SCHIP1: variants seen among roughly 807,000 people sequenced by gnomAD.
SCHIP1 encodes the protein schwannomin-interacting protein 1.
SCHIP1 carries 8 observed loss-of-function variants against 29.7 expected under a neutral mutation model. That is an observed-to-expected ratio of 0.27 (90% CI 0.16 to 0.49). The LOEUF (loss-of-function observed/expected upper bound fraction) is 0.49. Ranked by LOEUF, SCHIP1 falls within the 20% of genes least tolerant of loss-of-function variation. The pLI is 0.99. For synonymous variants in SCHIP1, 76 were observed against 94.9 expected, an observed-to-expected ratio of 0.80 and a Z score of 1.16; for missense variants, 193 against 294.6, an observed-to-expected ratio of 0.66 and a Z score of 2.52.
At chr3:159,793,601 AGGCTT>A in the SCHIP1 span, among the ~76,000 whole-genome samples, 2 of 152,174 alleles carry the variant, frequency 1.3e-5, no homozygotes, top group Non-Finnish European at 2.9e-5. Flanking sequence ...TCTGTCGCCC[AGGCTT>A]GAGTGCAGTG....
chr3:159,444,411 C>T, the SCHIP1 span, among the ~76,000 whole-genome samples: 1 of 152,078 alleles, frequency 6.6e-6, no homozygotes, highest in African/African-American at 2.4e-5. Flanking sequence ...TGCAGGCAAC[C>T]TCCAGGATTG....
At chr3:159,792,214 A>AG in the SCHIP1 span, among the ~76,000 whole-genome samples, 126 of 152,218 alleles carry the variant, frequency 8.3e-4, 1 homozygote, top group South Asian at 0.024. Context: ...AGTCTTTATT[A>AG]GGGGGCCTGT....
the SCHIP1 span, among the ~76,000 whole-genome samples, chr3:159,334,882 T>TTTC: frequency 2.0e-5 from 3 of 147,760 alleles, no homozygotes; most frequent in South Asian, 2.1e-4. Context: ...AAGTTTTCTT[T>TTTC]TTCTTCTTCT....
the SCHIP1 span, among the ~76,000 whole-genome samples, chr3:159,441,344 T>C: frequency 6.6e-6 from 1 of 152,182 alleles, no homozygotes; most frequent in Non-Finnish European, 1.5e-5. Context: ...TTAGTGGTGA[T>C]GAATACTGTC....
At chr3:159,714,888 G>A in the SCHIP1 span, among the ~76,000 whole-genome samples, 1 of 152,236 alleles carries the variant, frequency 6.6e-6, no homozygotes, top group Non-Finnish European at 1.5e-5. Flanking sequence ...CAGCTTTGAA[G>A]AGAGTAGTGG....
chr3:159,672,637 C>G, the SCHIP1 span, among the ~76,000 whole-genome samples: 3 of 152,110 alleles, frequency 2.0e-5, no homozygotes, highest in African/African-American at 7.2e-5. Context: ...TTCTAAACAT[C>G]CTACAATGCA....
At chr3:159,695,180 C>T in the SCHIP1 span, among the ~76,000 whole-genome samples, 1 of 152,196 alleles carries the variant, frequency 6.6e-6, no homozygotes, top group African/African-American at 2.4e-5. Flanking sequence ...TGTAACTAAA[C>T]ACCTTGAATG....
At chr3:159,892,001 G>C (rs1717591603) in intron 5 of SCHIP1, 96 bp from the exon 7 acceptor site, 1 of 1,314,000 alleles carries the variant, frequency 7.6e-7, no homozygotes, top group Non-Finnish European at 1.0e-6. Flanking sequence ...TTCCTATTAT[G>C]GGTAGCTGTT....
chr3:159,708,177 G>C, the SCHIP1 span, among the ~76,000 whole-genome samples: 1 of 152,036 alleles, frequency 6.6e-6, no homozygotes, highest in Non-Finnish European at 1.5e-5. Context: ...AAGGGGAGAG[G>C]GGAAAGCACA....
chr3:159,361,916 A>T, the SCHIP1 span, among the ~76,000 whole-genome samples: 5 of 152,222 alleles, frequency 3.3e-5, no homozygotes, highest in African/African-American at 9.6e-5. Flanking sequence ...AGGGAAGAAG[A>T]TCAGGACATG....
intron 5 of SCHIP1, among the ~76,000 whole-genome samples, chr3:159,891,559 A>G (rs1176233436): frequency 1.3e-5 from 2 of 152,206 alleles, no homozygotes; most frequent in Non-Finnish European, 2.9e-5. Context: ...CTATATTACA[A>G]ATCTGACTTT....
At chr3:159,467,870 A>G in the SCHIP1 span, among the ~76,000 whole-genome samples, 1 of 152,206 alleles carries the variant, frequency 6.6e-6, no homozygotes, top group Admixed American at 6.5e-5. Context: ...GGACCTGTGA[A>G]CTAGTACTAA....
chr3:159,634,533 C>T, the SCHIP1 span, among the ~76,000 whole-genome samples: 1 of 152,200 alleles, frequency 6.6e-6, no homozygotes, highest in Admixed American at 6.5e-5. Context: ...AATTTATCTT[C>T]CTTTTGTTAT....
the SCHIP1 span, among the ~76,000 whole-genome samples, chr3:159,630,603 G>A: frequency 6.7e-6 from 1 of 149,590 alleles, no homozygotes; most frequent in Admixed American, 6.6e-5. Context: ...AACATCATAC[G>A]TTCTCACTCG....
the SCHIP1 span, among the ~76,000 whole-genome samples, chr3:159,626,206 AGATAT>A: frequency 8.0e-6 from 1 of 125,294 alleles, no homozygotes; most frequent in Admixed American, 7.4e-5. Context: ...ATAGATAGAT[AGATAT>A]ATCTAGATAT....
chr3:159,681,922 AACTT>A, the SCHIP1 span, among the ~76,000 whole-genome samples: 239 of 83,554 alleles, frequency 2.9e-3, 5 homozygotes, highest in African/African-American at 0.03. Flanking sequence ...AACTTAGGTT[AACTT>A]GGGTTAACTT....
chr3:159,287,676 T>C, the SCHIP1 span, among the ~76,000 whole-genome samples: 1 of 152,172 alleles, frequency 6.6e-6, no homozygotes, highest in Non-Finnish European at 1.5e-5. Flanking sequence ...TTTATAATTA[T>C]AGCAATCCTA....
chr3:159,391,667 A>G, the SCHIP1 span, among the ~76,000 whole-genome samples: 3 of 152,250 alleles, frequency 2.0e-5, no homozygotes, highest in East Asian at 3.8e-4. Context: ...AACATTATGC[A>G]TTATTCTGTT....
chr3:159,875,454 T>G (rs976705310), intron 2 of SCHIP1, among the ~76,000 whole-genome samples: 1 of 152,214 alleles, frequency 6.6e-6, no homozygotes, highest in African/African-American at 2.4e-5. Context: ...GGGCTGCATT[T>G]TATATTTAAA....
Sources: gnomAD v4.1 joint callset for allele counts (sites outside exome capture counted in the v4.1 genomes callset) on GRCh38, gnomAD v4.1.1 for gene constraint, MANE v1.5 for transcripts, NCBI Gene and HGNC (gene_info 2026-07-23, HGNC 2026-07-21) for gene names.